SFI1: variants seen among roughly 807,000 people sequenced by gnomAD.
SFI1 encodes the protein protein SFI1 homolog.
A neutral mutation model predicts 207.5 loss-of-function variants in SFI1; 195 were observed. The observed-to-expected ratio is 0.94, with a 90% confidence interval of 0.84 to 1.06. SFI1 has a LOEUF of 1.06. Among genes scored for constraint, SFI1 ranks in the 50% least tolerant of loss-of-function variants. The pLI is 0.00. For missense variants in SFI1, 1,634 were observed against 1,588.0 expected (o/e 1.03, Z -0.49); for synonymous variants, 630 against 598.9 (o/e 1.05, Z -0.76).
chr22:31,502,735 G>A (rs1339700560), intron 1 of SFI1, among the ~76,000 whole-genome samples: 1 of 152,042 alleles, frequency 6.6e-6, no homozygotes, highest in Non-Finnish European at 1.5e-5. Context: ...GCTTTGTTGG[G>A]TTTATTTTGG....
At chr22:31,593,010 C>G (rs1303087876) in intron 15 of SFI1, among the ~76,000 whole-genome samples, 1 of 114,664 alleles carries the variant, frequency 8.7e-6, no homozygotes, top group Non-Finnish European at 1.8e-5. Context: ...CCCTCCCGGA[C>G]GGCACGGCTG....
intron 2 of SFI1, among the ~76,000 whole-genome samples, chr22:31,513,712 G>A (rs1195936209): frequency 6.6e-6 from 1 of 151,838 alleles, no homozygotes; most frequent in Non-Finnish European, 1.5e-5. Context: ...TGGGCAGCTG[G>A]GATTACAGGT....
In SFI1 at chr22:31,583,897, T is replaced by G. The variant is rs1307722068; in HGVS notation, c.1271T>G (p.Leu424Arg). 3 of 1,614,172 alleles carry G rather than the reference T, an allele frequency of 1.9e-6. No homozygotes were observed. Among genetic ancestry groups the G allele is most frequent in the Non-Finnish European group, 1.7e-6 (2 of 1,180,012 alleles). The change falls in exon 13 of 33, where the codon CTC becomes CGC. Residue 424 changes from leucine (L) to arginine (R), a missense_variant. Coordinates refer to ENST00000400288, the MANE Select transcript of SFI1 (RefSeq NM_001007467.3). ...TAGCTGCTGCACAGGTTCTGGAACC[T>G]CTGGCGGTCTCAGATTGAGCAGAAA... is the stretch of plus-strand genomic sequence containing the variant. The part of the protein sequence containing the change: ...GVTLLHRFWN[L>R]WRSQIEQKKE...
At chr22:31,570,122 C>CAATA (rs59801672) in intron 8 of SFI1, among the ~76,000 whole-genome samples, 100,596 of 146,634 alleles carry the variant, frequency 0.69, 35,271 homozygotes, top group Non-Finnish European at 0.75. Flanking sequence ...GAGACTCTGT[C>CAATA]AATAAATAAA....
chr22:31,604,571 T>C, intron 19 of SFI1, 167 bp downstream of exon 19: 1 of 635,202 alleles, frequency 1.6e-6, no homozygotes, highest in South Asian at 2.1e-5. Flanking sequence ...TAGGGTTCTT[T>C]GATTCTTGCT....
In SFI1 at chr22:31,508,480, CTG is replaced by C. The variant is rs771885513; in HGVS notation, c.92+107_92+108del. The C allele has an allele frequency of 6.6e-5, 51 of 771,222 alleles. 1 individual carries two copies. Among genetic ancestry groups the C allele is most frequent in the African/African-American group, 2.7e-4 (15 of 56,026 alleles). The allele number at this position is 771,222 out of a possible 1,614,324, so 47.8% of individuals were successfully genotyped here. ...TTATAAATTATGAGTGAGGTAGTAA[CTG>C]TGGGTAAGTTTTTTTTGTCATTGAT... On this transcript the variant is annotated intron_variant, in intron 2 of 32. Transcript: ENST00000400288.
intron 23 of SFI1, 44 bp downstream of exon 23, chr22:31,611,347 A>C (rs781639724): frequency 6.4e-7 from 1 of 1,551,844 alleles, no homozygotes. Context: ...CCTGCCTGGC[A>C]AGGGGTGTCC....
intron 15 of SFI1, 64 bp downstream of exon 15, chr22:31,589,641 C>T (rs2065551262): frequency 1.9e-6 from 3 of 1,540,956 alleles, no homozygotes; most frequent in Non-Finnish European, 1.8e-6. Flanking sequence ...GACAACCACA[C>T]AGCCCATTTG....
At chr22:31,618,046 TCTCCCTGA>T in intron 31 of SFI1, 61 bp from the exon 32 acceptor site, 12 of 1,491,844 alleles carry the variant, frequency 8.0e-6, no homozygotes, top group Non-Finnish European at 9.9e-6. Context: ...CTGAGGTGCC[TCTCCCTGA>T]GCCGGATGGG....
intron 2 of SFI1, among the ~76,000 whole-genome samples, chr22:31,526,139 C>G (rs1215057791): frequency 1.3e-5 from 2 of 152,106 alleles, no homozygotes; most frequent in African/African-American, 4.8e-5. Context: ...ACTAGATAAT[C>G]TTATAGAAGC....
In SFI1 at chr22:31,589,488, C is replaced by G. The variant is rs943700040; in HGVS notation, c.1455C>G (p.Ala485=). The G allele has an allele frequency of 6.2e-7, 1 of 1,613,916 alleles. No individual in the cohort carries two copies. Among genetic ancestry groups the G allele is most frequent in the Non-Finnish European group, 8.5e-7 (1 of 1,179,968 alleles). Residue 485 remains alanine (A), a synonymous_variant, in exon 15 of 33, where the codon GCC becomes GCG. Coordinates refer to ENST00000400288, the MANE Select transcript of SFI1 (RefSeq NM_001007467.3). ...CGGATGGTCATTTCCAGCAGAGAGC[C>G]CTGCCTGCTGCCTTCCACACATGGA... The part of the protein sequence containing the change: ...ARADGHFQQR[A]LPAAFHTWNR...
At chr22:31,568,194 TTG>T (rs1556026695) in intron 8 of SFI1, among the ~76,000 whole-genome samples, 13 of 92,536 alleles carry the variant, frequency 1.4e-4, no homozygotes, top group African/African-American at 5.3e-4. Flanking sequence ...TGTGTGTGTG[TTG>T]TGTGTGTGTG....
At chr22:31,611,012 G>GT in intron 22 of SFI1, 131 bp from the exon 23 acceptor site, 3 of 1,234,694 alleles carry the variant, frequency 2.4e-6, no homozygotes, top group South Asian at 1.3e-5. Context: ...ATGTGTGGTA[G>GT]TTTCACCATG....
rs768628316 is a variant in SFI1, at chr22:31,585,123, C to T, written c.1402C>T (p.Arg468Trp). 1.4e-5 allele frequency: 22 copies of T among 1,613,500 alleles called. No individual in the cohort carries two copies. The highest frequency in any genetic ancestry group is 3.3e-5 in the Admixed American group (2 of 59,960). The change falls in exon 14 of 33, where the codon CGG becomes TGG. Residue 468 changes from arginine (R) to tryptophan (W), a missense_variant. Physicochemically the swap from Arg to Trp is moderately radical, Grantham distance 101. Coordinates refer to ENST00000400288, the MANE Select transcript of SFI1 (RefSeq NM_001007467.3). ...GTGGCTACAGTATACTCAGAAGAGG[C>T]GGTACAAGCAGGTATGGAGTACTTT... ...ELWLQYTQKRRYKQLLQARAD... is the reference protein window; with the variant it reads ...ELWLQYTQKRWYKQLLQARAD...
At chr22:31,592,723 C>T (rs1395924766) in intron 15 of SFI1, among the ~76,000 whole-genome samples, 2 of 93,138 alleles carry the variant, frequency 2.1e-5, no homozygotes, top group South Asian at 3.9e-4. Context: ...GCTGGTTGGG[C>T]AGAGGGGCTC....
intron 24 of SFI1, 150 bp from the exon 25 acceptor site, chr22:31,612,992 C>T (rs1383198180): frequency 4.7e-5 from 34 of 727,762 alleles, no homozygotes; most frequent in African/African-American, 8.9e-5. Context: ...AGCATCTCAC[C>T]GCCAGGCACA....
chr22:31,578,777 C>T (rs1472135334), intron 11 of SFI1, among the ~76,000 whole-genome samples: 1 of 152,130 alleles, frequency 6.6e-6, no homozygotes, highest in African/African-American at 2.4e-5. Flanking sequence ...GGTTGAAGCA[C>T]GTCAGGGAGT....
Position 31,589,469 on chromosome 22 carries a change from G to T in SFI1, c.1436G>T (p.Gly479Val), listed in dbSNP as rs753610155. The change falls in exon 15 of 33, where the codon GGT becomes GTT. Residue 479 changes from glycine (G) to valine (V), a missense_variant. Gly to Val is a moderately radical substitution (Grantham distance 109, BLOSUM62 -3). Coordinates refer to ENST00000400288, the MANE Select transcript of SFI1 (RefSeq NM_001007467.3). ...YKQLLQARAD[G>V]HFQQRALPAA... The stretch of plus-strand genomic sequence containing the variant: ...TAGCTGCTACAGGCCAGAGCGGATG[G>T]TCATTTCCAGCAGAGAGCCCTGCCT... 3 of 1,612,966 alleles carry T rather than the reference G, an allele frequency of 1.9e-6. No individual in the cohort carries two copies. In the African/African-American group the frequency reaches 4.0e-5, roughly 22 times the overall value.
At chr22:31,574,620 C>G (rs745490856) in intron 9 of SFI1, among the ~76,000 whole-genome samples, 3 of 152,172 alleles carry the variant, frequency 2.0e-5, no homozygotes, top group Non-Finnish European at 4.4e-5. Flanking sequence ...CATTTCTGTT[C>G]ATCAGTATCT....
Sources: gnomAD v4.1 joint callset for allele counts (sites outside exome capture counted in the v4.1 genomes callset) on GRCh38, gnomAD v4.1.1 for gene constraint, MANE v1.5 for transcripts, NCBI Gene and HGNC (gene_info 2026-07-23, HGNC 2026-07-21) for gene names.